SORCS2: variants seen among roughly 807,000 people sequenced by gnomAD.
SORCS2 encodes the protein sortilin related VPS10 domain containing receptor 2, also known as VPS10 domain-containing receptor SorCS2.
In SORCS2, 100 loss-of-function variants were observed where a neutral mutation model predicts 141.6. The observed-to-expected ratio is 0.71, with a 90% CI of 0.60 to 0.83. The LOEUF (loss-of-function observed/expected upper bound fraction) is 0.83. Among genes scored for constraint, SORCS2 ranks in the 40% least tolerant of loss-of-function variants. The probability of loss-of-function intolerance (pLI) is 0.00; values close to 1 mark genes in which losing one functional copy is unlikely to be tolerated. For missense variants in SORCS2, 1,646 were observed against 1,560.2 expected, an observed-to-expected ratio of 1.05 and a Z score of -0.93; for synonymous variants, 789 against 676.9, an observed-to-expected ratio of 1.17 and a Z score of -2.57.
intron 1 of SORCS2, among the ~76,000 whole-genome samples, chr4:7,389,748 C>G (rs909092697): frequency 1.2e-4 from 18 of 152,040 alleles, no homozygotes; most frequent in Non-Finnish European, 2.5e-4. Flanking sequence ...CATAGCGATC[C>G]AAGTATGCAA....
At chr4:7,234,939 G>T (rs1255554273) in intron 1 of SORCS2, among the ~76,000 whole-genome samples, 3 of 152,250 alleles carry the variant, frequency 2.0e-5, no homozygotes, top group Non-Finnish European at 2.9e-5. Context: ...GGAGACAGGG[G>T]CTAGGCTGGG....
intron 1 of SORCS2, among the ~76,000 whole-genome samples, chr4:7,262,274 C>T (rs114158664): frequency 0.063 from 9,565 of 150,816 alleles, 917 homozygotes; most frequent in African/African-American, 0.21. Context: ...ATCCACCCAC[C>T]TATCCATCTA....
At chr4:7,383,519 G>A (rs1291452624) in intron 1 of SORCS2, among the ~76,000 whole-genome samples, 1 of 152,242 alleles carries the variant, frequency 6.6e-6, no homozygotes, top group East Asian at 1.9e-4. Context: ...CAGGGAGGGG[G>A]AGAGCATTGG....
At chr4:7,321,696 G>A (rs1015056076) in intron 1 of SORCS2, among the ~76,000 whole-genome samples, 1 of 152,236 alleles carries the variant, frequency 6.6e-6, no homozygotes, top group Non-Finnish European at 1.5e-5. Context: ...TGGGTGAGGA[G>A]GGTGATGGGC....
chr4:7,422,831 C>T (rs112608109), intron 2 of SORCS2, among the ~76,000 whole-genome samples: 4,121 of 152,246 alleles, frequency 0.027, 167 homozygotes, highest in African/African-American at 0.094. Context: ...AGCACAGAGG[C>T]CTCGTCACTG....
chr4:7,400,151 G>T (rs1724478967), intron 2 of SORCS2, among the ~76,000 whole-genome samples: 1 of 150,710 alleles, frequency 6.6e-6, no homozygotes, highest in South Asian at 2.1e-4. Flanking sequence ...CCCACCCCCG[G>T]CTCCTACCCC....
At chr4:7,394,624 G>A (rs1010745446) in intron 1 of SORCS2, among the ~76,000 whole-genome samples, 5 of 147,412 alleles carry the variant, frequency 3.4e-5, no homozygotes, top group African/African-American at 1.4e-4. Flanking sequence ...CTCTCCCCTC[G>A]AGGGAGGGGG....
In SORCS2 at chr4:7,270,709, C is replaced by A. The variant is rs544715978; in HGVS notation, c.480+77583C>A. Among the ~76,000 whole-genome samples, 21 of 152,286 alleles carry A rather than the reference C, an allele frequency of 1.4e-4. No individual in the cohort carries two copies. The Middle Eastern group carries it at 0.01, about 74-fold the overall frequency. ...AAGCCACTGTCAAGGAGGTGAAGACCAAAATACAGATTTCGTTTTCTTTTT... is the reference window on the plus strand; with the variant it reads ...AAGCCACTGTCAAGGAGGTGAAGACAAAAATACAGATTTCGTTTTCTTTTT... On this transcript the variant is annotated intron_variant, in intron 1 of 26. Coordinates refer to ENST00000507866, the MANE Select transcript of SORCS2 (RefSeq NM_020777.3).
chr4:7,448,475 CTTCT>C (rs1728148236), intron 2 of SORCS2, among the ~76,000 whole-genome samples: 1 of 108,214 alleles, frequency 9.2e-6, no homozygotes, highest in East Asian at 2.8e-4. Context: ...CTCTCCCTTC[CTTCT>C]TCCATGTCTC....
At chr4:7,248,522 G>A (rs1361754647) in intron 1 of SORCS2, among the ~76,000 whole-genome samples, 1 of 152,172 alleles carries the variant, frequency 6.6e-6, no homozygotes, top group African/African-American at 2.4e-5. Flanking sequence ...GAAGTGCCTG[G>A]CCTGCCAAAA....
intron 3 of SORCS2, among the ~76,000 whole-genome samples, chr4:7,615,931 C>A (rs552733907): frequency 3.9e-5 from 6 of 152,274 alleles, no homozygotes; most frequent in Middle Eastern, 6.8e-3. Context: ...TATATATCAA[C>A]CAGTTAGTTT....
intron 11 of SORCS2, among the ~76,000 whole-genome samples, chr4:7,692,633 A>G (rs1365081447): frequency 6.6e-6 from 1 of 152,166 alleles, no homozygotes; most frequent in Non-Finnish European, 1.5e-5. Context: ...CAGAGGAGCA[A>G]AGGGATGATG....
intron 2 of SORCS2, among the ~76,000 whole-genome samples, chr4:7,406,192 G>A (rs948979071): frequency 1.4e-4 from 21 of 150,854 alleles, no homozygotes; most frequent in South Asian, 2.1e-4. Flanking sequence ...TTGACCTGTC[G>A]TTTTTTTTTG....
At chr4:7,384,504 G>C (rs369953704) in intron 1 of SORCS2, among the ~76,000 whole-genome samples, 1 of 152,160 alleles carries the variant, frequency 6.6e-6, no homozygotes, top group African/African-American at 2.4e-5. Flanking sequence ...GTTAAGGTGC[G>C]TACACGGGGC....
chr4:7,464,093 G>A (rs1729469578), intron 2 of SORCS2, among the ~76,000 whole-genome samples: 1 of 152,206 alleles, frequency 6.6e-6, no homozygotes, highest in Admixed American at 6.5e-5. Context: ...TGAGCTAAGA[G>A]CTGGATGCCG....
chr4:7,302,769 A>ATGTGTGTGTGTGTGTGTGTG (rs138338129), intron 1 of SORCS2, among the ~76,000 whole-genome samples: 14 of 145,912 alleles, frequency 9.6e-5, no homozygotes, highest in Non-Finnish European at 1.7e-4. Context: ...CAGTCCACAT[A>ATGTGTGTGTGTGTGTGTGTG]TGTGTGTGTG....
At chr4:7,429,637 A>G (rs1726690580) in intron 2 of SORCS2, among the ~76,000 whole-genome samples, 1 of 152,158 alleles carries the variant, frequency 6.6e-6, no homozygotes, top group South Asian at 2.1e-4. Flanking sequence ...GGCCCCTCCC[A>G]CAGGGCACCC....
chr4:7,569,245 G>A (rs1350298545), intron 3 of SORCS2, among the ~76,000 whole-genome samples: 3 of 152,206 alleles, frequency 2.0e-5, no homozygotes, highest in Non-Finnish European at 2.9e-5. Context: ...GGGTGTGGTG[G>A]CTCATGCCTG....
chr4:7,296,067 T>C (rs1021029543), intron 1 of SORCS2, among the ~76,000 whole-genome samples: 14 of 152,302 alleles, frequency 9.2e-5, no homozygotes, highest in African/African-American at 2.6e-4. Context: ...AGAAATGCGA[T>C]GCAGAGTGTT....
Sources: gnomAD v4.1 joint callset for allele counts (sites outside exome capture counted in the v4.1 genomes callset) on GRCh38, gnomAD v4.1.1 for gene constraint, MANE v1.5 for transcripts, NCBI Gene and HGNC (gene_info 2026-07-23, HGNC 2026-07-21) for gene names.